Variants in LGSN observed in about 807,000 individuals in gnomAD.
LGSN encodes lengsin.
A neutral mutation model predicts 19.5 loss-of-function variants in LGSN; 21 were observed. That is an observed-to-expected ratio of 1.07 (90% CI 0.76 to 1.55). LGSN has a LOEUF of 1.55. Among genes scored for constraint, LGSN ranks in the 40% most tolerant of loss-of-function variants. The probability of loss-of-function intolerance (pLI) is 0.00; values close to 1 mark genes in which losing one functional copy is unlikely to be tolerated. For missense variants in LGSN, 673 were observed against 608.5 expected, an observed-to-expected ratio of 1.11 and a Z score of -1.12; for synonymous variants, 257 against 215.6, an observed-to-expected ratio of 1.19 and a Z score of -1.68.
chr6:63,458,048 A>ATTTATTTTTATT, the LGSN span, among the ~76,000 whole-genome samples: 4 of 149,604 alleles, frequency 2.7e-5, 1 homozygote, highest in South Asian at 4.2e-4. Context: ...TTATAATTTC[A>ATTTATTTTTATT]TTTATTTTTA....
chr6:63,384,707 G>T, the LGSN span, among the ~76,000 whole-genome samples: 2 of 152,134 alleles, frequency 1.3e-5, no homozygotes, highest in Non-Finnish European at 2.9e-5. Context: ...AGTAGAGACA[G>T]GGTTTCACCA....
At chr6:63,523,681 T>C in the LGSN span, among the ~76,000 whole-genome samples, 1 of 152,196 alleles carries the variant, frequency 6.6e-6, no homozygotes, top group African/African-American at 2.4e-5. Flanking sequence ...ACTTTCAATA[T>C]GGCCCAACAC....
the LGSN span, among the ~76,000 whole-genome samples, chr6:63,418,624 C>T: frequency 6.6e-6 from 1 of 152,106 alleles, no homozygotes; most frequent in Non-Finnish European, 1.5e-5. Context: ...AGAAAGAAGG[C>T]GGACTGGCTA....
At chr6:63,469,678 A>T in the LGSN span, among the ~76,000 whole-genome samples, 2 of 152,244 alleles carry the variant, frequency 1.3e-5, no homozygotes, top group Non-Finnish European at 2.9e-5. Context: ...TTTGATTTCC[A>T]AGCATAAAAC....
the LGSN span, among the ~76,000 whole-genome samples, chr6:63,466,902 AG>A: frequency 6.6e-6 from 1 of 152,166 alleles, no homozygotes; most frequent in African/African-American, 2.4e-5. Flanking sequence ...TTCAGGGGAA[AG>A]GTTTGGGTTT....
At chr6:63,503,170 A>G in the LGSN span, among the ~76,000 whole-genome samples, 2 of 152,206 alleles carry the variant, frequency 1.3e-5, no homozygotes, top group East Asian at 1.9e-4. Context: ...ATCAACTATG[A>G]CATTACTTCT....
At chr6:63,318,341 G>T (rs1768947427) in intron 1 of LGSN, among the ~76,000 whole-genome samples, 1 of 152,124 alleles carries the variant, frequency 6.6e-6, no homozygotes, top group African/African-American at 2.4e-5. Context: ...CACATTACCA[G>T]AGCATCTAGC....
chr6:63,465,273 C>G, the LGSN span, among the ~76,000 whole-genome samples: 1 of 152,014 alleles, frequency 6.6e-6, no homozygotes, highest in African/African-American at 2.4e-5. Flanking sequence ...CTCCACCTCC[C>G]GGGTTCAAGT....
chr6:63,513,852 C>A, the LGSN span, among the ~76,000 whole-genome samples: 1 of 136,768 alleles, frequency 7.3e-6, no homozygotes, highest in African/African-American at 2.8e-5. Context: ...CAGAGGTGTC[C>A]GTGAGCTGAG....
chr6:63,365,925 G>C, the LGSN span, among the ~76,000 whole-genome samples: 1 of 152,146 alleles, frequency 6.6e-6, no homozygotes, highest in Non-Finnish European at 1.5e-5. Flanking sequence ...ACTAAGTATT[G>C]ATGGGATGTA....
chr6:63,327,402 T>C, the LGSN span, among the ~76,000 whole-genome samples: 76 of 152,306 alleles, frequency 5.0e-4, no homozygotes, highest in Admixed American at 1.4e-3. Context: ...AAAGGTGTTG[T>C]CTGATTTCGG....
At chr6:63,358,671 T>C in the LGSN span, among the ~76,000 whole-genome samples, 34 of 152,272 alleles carry the variant, frequency 2.2e-4, no homozygotes, top group Middle Eastern at 3.4e-3. Context: ...GTGATTTTTG[T>C]ACATTGATTT....
At chr6:63,402,055 C>T in the LGSN span, among the ~76,000 whole-genome samples, 16 of 152,042 alleles carry the variant, frequency 1.1e-4, no homozygotes, top group East Asian at 7.7e-4. Flanking sequence ...TTCTTGAAGA[C>T]GTAGGAGGTG....
chr6:63,329,371 G>C, the LGSN span, among the ~76,000 whole-genome samples: 20 of 152,320 alleles, frequency 1.3e-4, no homozygotes, highest in African/African-American at 4.8e-4. Flanking sequence ...GTATTTGAGA[G>C]AGCAGGGTAT....
the LGSN span, among the ~76,000 whole-genome samples, chr6:63,477,661 CTTT>C: frequency 1.8e-4 from 10 of 56,858 alleles, no homozygotes; most frequent in Non-Finnish European, 1.2e-4. Context: ...TTTTCTTTTT[CTTT>C]TTCTTCTTCT....
the LGSN span, among the ~76,000 whole-genome samples, chr6:63,463,611 C>A: frequency 6.6e-6 from 1 of 152,072 alleles, no homozygotes; most frequent in African/African-American, 2.4e-5. Flanking sequence ...ACTGCTGATT[C>A]TCTGTAAGAA....
At chr6:63,541,713 T>A in the LGSN span, among the ~76,000 whole-genome samples, 1 of 152,154 alleles carries the variant, frequency 6.6e-6, no homozygotes, top group Non-Finnish European at 1.5e-5. Context: ...CCCTACTGTC[T>A]CCATCCAACT....
intron 1 of LGSN, among the ~76,000 whole-genome samples, chr6:63,299,308 A>G (rs1562012808): frequency 6.6e-6 from 1 of 152,214 alleles, no homozygotes; most frequent in Non-Finnish European, 1.5e-5. Flanking sequence ...GGAAGAGAGG[A>G]AAGACTAAGT....
the LGSN span, among the ~76,000 whole-genome samples, chr6:63,460,100 C>CTTTTT: frequency 0.019 from 1,070 of 56,272 alleles, 27 homozygotes; most frequent in Non-Finnish European, 0.021. Context: ...ATTTCATTCC[C>CTTTTT]TTTTTTTTTT....
Sources: gnomAD v4.1 joint callset for allele counts (sites outside exome capture counted in the v4.1 genomes callset) on GRCh38, gnomAD v4.1.1 for gene constraint, MANE v1.5 for transcripts, NCBI Gene and HGNC (gene_info 2026-07-23, HGNC 2026-07-21) for gene names.